The following CAPN7 variants were observed in gnomAD, a reference collection of about 807,000 sequenced individuals.
CAPN7 encodes the protein calpain-7.
In CAPN7, 72 loss-of-function variants were observed where a neutral mutation model predicts 115.2. That is an observed-to-expected ratio of 0.63 (90% confidence interval 0.52 to 0.76). The LOEUF is 0.76. Among genes scored for constraint, CAPN7 ranks in the 30% least tolerant of loss-of-function variants. CAPN7 has a pLI of 0.00. For synonymous variants in CAPN7, 344 were observed against 322.3 expected (o/e 1.07, Z -0.72); for missense variants, 905 against 971.5 (o/e 0.93, Z 0.91).
At chr3:15,233,332 T>A (rs1434266924) in intron 10 of CAPN7, among the ~76,000 whole-genome samples, 2 of 152,238 alleles carry the variant, frequency 1.3e-5, no homozygotes, top group Non-Finnish European at 2.9e-5. Context: ...CCTTGACTTT[T>A]CCAGTTTTAT....
chr3:15,206,634 A>G, intron 1 of CAPN7, 37 bp downstream of exon 1: 3 of 1,458,748 alleles, frequency 2.1e-6, no homozygotes, highest in South Asian at 2.5e-5. Flanking sequence ...GGAGTTGCTC[A>G]GTCGGAGTGC....
Position 15,229,035 on chromosome 3 carries a change from G to A in CAPN7, c.914G>A (p.Arg305His), listed in dbSNP as rs1330000845. 3.1e-6 allele frequency: 5 copies of A among 1,612,466 alleles called. No homozygotes were observed. The highest frequency in any genetic ancestry group is 2.2e-5 in the East Asian group (1 of 44,852). ...GCCATCAGTGCAGCTTATGAAAGAC[G>A]TTTTAATAAGAAGTTAATTACCGGG... ...SLAISAAYER[R>H]FNKKLITGII... The change falls in exon 8 of 21, where the codon CGT becomes CAT. Residue 305 changes from arginine to histidine, a missense_variant. This residue lies in a region of CAPN7 where 620 missense variants were observed against 703.4 expected (regional missense o/e 0.88). Coordinates refer to ENST00000253693, the MANE Select transcript of CAPN7 (RefSeq NM_014296.3).
intron 12 of CAPN7, 78 bp downstream of exon 12, chr3:15,235,223 T>G: frequency 7.8e-7 from 1 of 1,284,960 alleles, no homozygotes. Context: ...TTATCAGACT[T>G]CTGAATACTG....
chr3:15,208,165 G>A lies in CAPN7; in HGVS notation c.102+1568G>A, dbSNP rs1014965616. On this transcript the variant is annotated intron_variant, in intron 1 of 20. Coordinates refer to ENST00000253693, the MANE Select transcript of CAPN7 (RefSeq NM_014296.3). ...CTGTTGTTGACTGAAATGTTATGTG[G>A]TGTGTGACTATATTTTTGTGTTTTT... Among the ~76,000 whole-genome samples the A allele has an allele frequency of 2.0e-5, 3 of 150,680 alleles. No homozygotes were observed. In the South Asian group the frequency reaches 6.3e-4, roughly 32 times the overall value.
At chr3:15,250,451 C>CT (rs1695938304) in intron 19 of CAPN7, among the ~76,000 whole-genome samples, 1 of 152,044 alleles carries the variant, frequency 6.6e-6, no homozygotes, top group Admixed American at 6.6e-5. Flanking sequence ...GGCAGATCAC[C>CT]TGAGGTCAAG....
Position 15,245,676 on chromosome 3 carries a change from G to A in CAPN7, c.2010+5G>A. On this transcript the variant is annotated splice_donor_5th_base_variant and intron_variant, in intron 17 of 20. Transcript: ENST00000253693. ...ACAATCCATTACACGGTTCGGGTAA[G>A]TAAAACCAACACACAATGACAAAAC... 1.2e-6 allele frequency: 2 copies of A among 1,611,014 alleles called. No homozygotes were observed. The highest frequency in any genetic ancestry group is 1.7e-6 in the Non-Finnish European group (2 of 1,178,762).
chr3:15,237,245 A>ATT (rs200451029), intron 12 of CAPN7, among the ~76,000 whole-genome samples: 6 of 151,406 alleles, frequency 4.0e-5, no homozygotes, highest in African/African-American at 1.5e-4. Context: ...TTTTCTGTTA[A>ATT]TTTTTTTTTA....
intron 17 of CAPN7, 79 bp downstream of exon 17, chr3:15,245,750 CT>C: frequency 8.3e-7 from 1 of 1,199,934 alleles, no homozygotes; most frequent in Non-Finnish European, 1.1e-6. Context: ...GTGGTATTAT[CT>C]GGAGAAAAAG....
intron 6 of CAPN7, among the ~76,000 whole-genome samples, chr3:15,227,109 TA>T (rs61571165): frequency 0.15 from 18,815 of 128,172 alleles, 1,300 homozygotes; most frequent in African/African-American, 0.21. Context: ...CCTCAACTGT[TA>T]AAAAAAAAAA....
At chr3:15,240,677 A>G (rs992079199) in intron 13 of CAPN7, 60 bp downstream of exon 13, 3 of 1,540,986 alleles carry the variant, frequency 1.9e-6, no homozygotes, top group Non-Finnish European at 1.8e-6. Flanking sequence ...ATGTTTTAAC[A>G]AGACAAAACA....
chr3:15,246,418 C>A, intron 17 of CAPN7: 3 of 283,562 alleles, frequency 1.1e-5, no homozygotes, highest in Non-Finnish European at 2.0e-5. Context: ...TCTAGATAAG[C>A]GGCTCAATTT....
intron 12 of CAPN7, among the ~76,000 whole-genome samples, chr3:15,237,537 A>G (rs758232632): frequency 7.2e-5 from 11 of 152,212 alleles, no homozygotes; most frequent in Non-Finnish European, 1.3e-4. Context: ...CCCCCCAGCC[A>G]TGCTCTATAG....
chr3:15,213,981 C>T (rs570985521), intron 2 of CAPN7, among the ~76,000 whole-genome samples: 15 of 151,692 alleles, frequency 9.9e-5, no homozygotes, highest in Middle Eastern at 3.4e-3. Context: ...CCGGGGTTCA[C>T]GCCATTCTCC....
intron 10 of CAPN7, 81 bp downstream of exon 10, chr3:15,232,746 T>C (rs186881332): frequency 5.7e-5 from 71 of 1,238,224 alleles, no homozygotes; most frequent in Admixed American, 5.7e-4. Flanking sequence ...TTCTAGATAG[T>C]CTTTTTGTTT....
intron 18 of CAPN7, 73 bp downstream of exon 18, chr3:15,246,867 T>C (rs1441875500): frequency 1.7e-6 from 2 of 1,163,166 alleles, no homozygotes; most frequent in Non-Finnish European, 1.2e-6. Flanking sequence ...ATTTCTCTCA[T>C]TTTATTGTTT....
Position 15,213,493 on chromosome 3 carries a change from A to G in CAPN7, c.211+1281A>G, listed in dbSNP as rs79459500. 2.6e-5 allele frequency among the ~76,000 whole-genome samples: 4 copies of G among 152,380 alleles called. No individual in the cohort carries two copies. The East Asian group carries it at 5.8e-4, about 22-fold the overall frequency. ...CATGCTAGACTAAATGTTAAAGCAG[A>G]ATGCTCTAGAAAGGAGAGATTATAT... On this transcript the variant is annotated intron_variant, in intron 2 of 20. Transcript: ENST00000253693.
intron 11 of CAPN7, among the ~76,000 whole-genome samples, chr3:15,234,293 G>A (rs2124969707): frequency 6.6e-6 from 1 of 152,164 alleles, no homozygotes; most frequent in South Asian, 2.1e-4. Flanking sequence ...TCCAGCCTGG[G>A]CAACAAGAGC....
Position 15,234,886 on chromosome 3 carries a change from A to T in CAPN7, c.1287-139A>T, listed in dbSNP as rs551567985. The stretch of plus-strand genomic sequence containing the variant: ...TTATTTTATATACTGTGCATTAGAA[A>T]TGTACTTCTTTTTGAAAATTCTTCA... On this transcript the variant is annotated intron_variant, in intron 11 of 20. Coordinates refer to ENST00000253693, the MANE Select transcript of CAPN7 (RefSeq NM_014296.3). 6.6e-5 allele frequency: 37 copies of T among 559,236 alleles called. 1 individual carries two copies. In the African/African-American group the frequency reaches 6.6e-4, roughly 10 times the overall value. The allele number at this position is 559,236 out of a possible 1,614,324, so 34.6% of individuals were successfully genotyped here.
chr3:15,252,586 C>T lies in CAPN7; in HGVS notation c.*1326C>T, dbSNP rs1489984126. On this transcript the variant is annotated 3_prime_UTR_variant, in exon 21 of 21. Coordinates refer to ENST00000253693, the MANE Select transcript of CAPN7 (RefSeq NM_014296.3). ...CTATATTATGAACACATGATTTGAA[C>T]CTGTTGTGGTAAAGATCTTGTACAG... 1 of 152,080 alleles carries T rather than the reference C, an allele frequency of 6.6e-6. No homozygotes were observed. The highest frequency in any genetic ancestry group is 1.5e-5 in the Non-Finnish European group (1 of 68,026). 9.4% of individuals were successfully genotyped at this position (152,080 alleles called of 1,614,324 possible).
Sources: gnomAD v4.1 joint callset for allele counts (sites outside exome capture counted in the v4.1 genomes callset) on GRCh38, gnomAD v4.1.1 for gene constraint, gnomAD v4.1.1 regional missense constraint, MANE v1.5 for transcripts, NCBI Gene and HGNC (gene_info 2026-07-23, HGNC 2026-07-21) for gene names.